The following GIMD1 variants were observed in gnomAD, a reference collection of about 807,000 sequenced individuals.
The protein encoded by GIMD1 is GTPase IMAP family member GIMD1.
GIMD1 carries 14 observed loss-of-function variants against 14.9 expected under a neutral mutation model. The ratio of observed to expected loss-of-function variants is 0.94; its 90% CI spans 0.62 to 1.47. The LOEUF is 1.47. Among genes scored for constraint, GIMD1 ranks in the 40% most tolerant of loss-of-function variants. GIMD1 has a pLI of 0.00. For missense variants in GIMD1, 272 were observed against 255.3 expected (o/e 1.07, Z -0.44); for synonymous variants, 91 against 90.5 (o/e 1.01, Z -0.03).
At chr4:106,361,024 C>G (rs888002907) in intron 2 of GIMD1, among the ~76,000 whole-genome samples, 1 of 152,034 alleles carries the variant, frequency 6.6e-6, no homozygotes, top group Non-Finnish European at 1.5e-5. Flanking sequence ...ATACAGCAAT[C>G]CCTGGATCAT....
rs1264285159 is a variant in GIMD1, at chr4:106,358,123, A to G, written c.*60T>C. 2 of 1,168,168 alleles carry G rather than the reference A, an allele frequency of 1.7e-6. No homozygotes were observed. Among genetic ancestry groups the G allele is most frequent in the African/African-American group, 3.1e-5 (2 of 64,324 alleles). 72.4% of individuals were successfully genotyped at this position (1,168,168 alleles called of 1,614,324 possible). A position where few individuals can be genotyped will look rare whatever the true frequency, so the allele number is the denominator to read the frequency against. On this transcript the variant is annotated 3_prime_UTR_variant, in exon 3 of 3. Coordinates refer to ENST00000638719, the MANE Select transcript of GIMD1 (RefSeq NM_001195138.2). ...GGTCCACATTCATGTCAATAAAGGC[A>G]TTCTTTGTAGCTAGGTTTCTGACTC...
At chr4:106,365,443 G>GT (rs1269046369) in intron 2 of GIMD1, among the ~76,000 whole-genome samples, 1 of 150,914 alleles carries the variant, frequency 6.6e-6, no homozygotes, top group African/African-American at 2.4e-5. Flanking sequence ...AACAATGCGT[G>GT]TATCTGTCAC....
At position 106,367,154 on chromosome 4, in the gene GIMD1, C is replaced by G. The variant is rs932216066; in HGVS notation, c.282G>C (p.Glu94Asp). The change falls in exon 2 of 3, where the codon GAG (glutamate) becomes GAC (aspartate). Residue 94 changes from glutamate (E) to aspartate (D), a missense_variant. Coordinates refer to ENST00000638719, the MANE Select transcript of GIMD1 (RefSeq NM_001195138.2). ...SKKYVKQEVK[E>D]ALAHHFGQGG... ...CTTGCCCGAAGTGATGTGCCAGAGC[C>G]TCTTTGACTTCCTGTTTCACATACT... is the stretch of plus-strand genomic sequence containing the variant. The G allele has an allele frequency of 9.1e-6, 14 of 1,535,592 alleles. No homozygotes were observed. The African/African-American group carries it at 1.9e-4, about 21-fold the overall frequency.
At chr4:106,364,828 G>T (rs550176176) in intron 2 of GIMD1, among the ~76,000 whole-genome samples, 3 of 152,202 alleles carry the variant, frequency 2.0e-5, no homozygotes, top group South Asian at 2.1e-4. Flanking sequence ...TGTTTTAAAC[G>T]ACCAAAGACA....
intron 2 of GIMD1, among the ~76,000 whole-genome samples, chr4:106,366,654 A>T (rs923994253): frequency 2.6e-5 from 4 of 152,134 alleles, no homozygotes; most frequent in African/African-American, 9.7e-5. Context: ...TTTTGGATCA[A>T]TCTTCTTTAA....
chr4:106,362,972 T>C (rs1271899526), intron 2 of GIMD1, among the ~76,000 whole-genome samples: 1 of 151,968 alleles, frequency 6.6e-6, no homozygotes, highest in African/African-American at 2.4e-5. Flanking sequence ...GGAACCAAGG[T>C]CCCCCATCTT....
intron 2 of GIMD1, among the ~76,000 whole-genome samples, chr4:106,361,861 G>C (rs1770617876): frequency 6.6e-6 from 1 of 151,970 alleles, no homozygotes; most frequent in Admixed American, 6.6e-5. Flanking sequence ...TAAACTATTT[G>C]GCACAAACAA....
intron 2 of GIMD1, among the ~76,000 whole-genome samples, chr4:106,362,103 G>A (rs1050360336): frequency 3.9e-5 from 6 of 152,044 alleles, no homozygotes; most frequent in African/African-American, 1.4e-4. Flanking sequence ...TAAGTGCCAT[G>A]CCACTTAAAA....
At chr4:106,359,134 C>A (rs1268745214) in intron 2 of GIMD1, among the ~76,000 whole-genome samples, 1 of 151,808 alleles carries the variant, frequency 6.6e-6, no homozygotes, top group Admixed American at 6.6e-5. Context: ...GTAATAAATT[C>A]TTGTTTGATT....
chr4:106,367,010 A>G, intron 2 of GIMD1, 33 bp downstream of exon 2: 1 of 1,239,036 alleles, frequency 8.1e-7, no homozygotes, highest in Non-Finnish European at 1.1e-6. Context: ...AAGAAGTAAT[A>G]ATGGCATTAG....
In GIMD1 at chr4:106,358,021, T is replaced by C. The variant is rs1441822470; in HGVS notation, c.*162A>G. On this transcript the variant is annotated 3_prime_UTR_variant, in exon 3 of 3. Coordinates refer to ENST00000638719, the MANE Select transcript of GIMD1 (RefSeq NM_001195138.2). ...TGCATTAGAAATCTTGAATCATTGA[T>C]GTTCTTTTTAACTTCTAGTTTTCCA... The C allele has an allele frequency of 5.7e-6, 3 of 529,470 alleles. No homozygotes were observed. The highest frequency in any genetic ancestry group is 9.9e-6 in the Non-Finnish European group (3 of 303,282). 32.8% of individuals were successfully genotyped at this position (529,470 alleles called of 1,614,324 possible).
chr4:106,365,153 GCTTCCCACCA>G, intron 2 of GIMD1, among the ~76,000 whole-genome samples: 1 of 152,128 alleles, frequency 6.6e-6, no homozygotes, highest in Non-Finnish European at 1.5e-5. Context: ...ATGGATGCAG[GCTTCCCACCA>G]CTTGATTTCT....
At chr4:106,360,535 G>A (rs113430738) in intron 2 of GIMD1, among the ~76,000 whole-genome samples, 4,111 of 152,060 alleles carry the variant, frequency 0.027, 185 homozygotes, top group African/African-American at 0.094. Context: ...GAGTTGCAAA[G>A]TAAATGAGCA....
intron 1 of GIMD1, among the ~76,000 whole-genome samples, chr4:106,367,642 A>G (rs916410655): frequency 5.3e-4 from 80 of 152,334 alleles, no homozygotes; most frequent in African/African-American, 1.9e-3. Context: ...ATTGTAGTTT[A>G]CAATGAGAAG....
At chr4:106,365,441 G>A (rs977061361) in intron 2 of GIMD1, among the ~76,000 whole-genome samples, 2 of 151,006 alleles carry the variant, frequency 1.3e-5, no homozygotes, top group African/African-American at 2.4e-5. Flanking sequence ...AAAACAATGC[G>A]TGTATCTGTC....
chr4:106,364,381 G>A (rs1477731747), intron 2 of GIMD1, among the ~76,000 whole-genome samples: 3 of 152,164 alleles, frequency 2.0e-5, no homozygotes, highest in Non-Finnish European at 4.4e-5. Context: ...GCATCAGCCA[G>A]GAAGAAAAAG....
rs1770559409 is a variant in GIMD1, at chr4:106,358,159, T to A, written c.*24A>T. 6 of 1,432,126 alleles carry A rather than the reference T, an allele frequency of 4.2e-6. No individual in the cohort carries two copies. Among genetic ancestry groups the A allele is most frequent in the South Asian group, 1.5e-5 (1 of 67,994 alleles). 88.7% of individuals were successfully genotyped at this position (1,432,126 alleles called of 1,614,324 possible). ...CTAGGTTTCTGACTCCAATACCCAATGCTCCTTTCCTTTCACCTAAATTTT... is the reference window on the plus strand; with the variant it reads ...CTAGGTTTCTGACTCCAATACCCAAAGCTCCTTTCCTTTCACCTAAATTTT... On this transcript the variant is annotated 3_prime_UTR_variant, in exon 3 of 3. Transcript: ENST00000638719.
intron 2 of GIMD1, among the ~76,000 whole-genome samples, chr4:106,358,861 A>G (rs1770574309): frequency 9.3e-6 from 1 of 107,572 alleles, no homozygotes; most frequent in Admixed American, 9.4e-5. Context: ...TATCATTATC[A>G]TTAAAAGCAT....
intron 1 of GIMD1, among the ~76,000 whole-genome samples, chr4:106,368,241 C>A (rs1381575859): frequency 3.9e-5 from 6 of 152,092 alleles, no homozygotes; most frequent in African/African-American, 1.4e-4. Context: ...ATTCCATGTA[C>A]AATACCTGTA....
Sources: gnomAD v4.1 joint callset for allele counts (sites outside exome capture counted in the v4.1 genomes callset) on GRCh38, gnomAD v4.1.1 for gene constraint, MANE v1.5 for transcripts, NCBI Gene and HGNC (gene_info 2026-07-23, HGNC 2026-07-21) for gene names.